ZHX2: variants seen among roughly 807,000 people sequenced by gnomAD.
The protein encoded by ZHX2 is zinc fingers and homeoboxes 2, also known as zinc fingers and homeoboxes protein 2.
ZHX2 carries 6 observed loss-of-function variants against 21.9 expected under a neutral mutation model. That is an observed-to-expected ratio of 0.27 (90% CI 0.15 to 0.54). The LOEUF (loss-of-function observed/expected upper bound fraction) is 0.54. ZHX2 is among the 20% of genes least tolerant of loss of function. The pLI is 0.95. For missense variants in ZHX2, 908 were observed against 1,090.7 expected, an observed-to-expected ratio of 0.83 and a Z score of 2.36; for synonymous variants, 434 against 437.1, an observed-to-expected ratio of 0.99 and a Z score of 0.09.
chr8:122,813,327 T>C (rs1817968936), intron 1 of ZHX2, among the ~76,000 whole-genome samples: 1 of 152,212 alleles, frequency 6.6e-6, no homozygotes, highest in Non-Finnish European at 1.5e-5. Flanking sequence ...CAAGAGCATG[T>C]GTCCATTTCC....
At chr8:122,969,594 G>A (rs73713557) in intron 3 of ZHX2, among the ~76,000 whole-genome samples, 6 of 152,090 alleles carry the variant, frequency 3.9e-5, no homozygotes, top group African/African-American at 1.4e-4. Context: ...AAGAAAAGAC[G>A]TTGCCTACAG....
chr8:122,870,862 C>T (rs1404614038), intron 2 of ZHX2, among the ~76,000 whole-genome samples: 1 of 152,052 alleles, frequency 6.6e-6, no homozygotes, highest in African/African-American at 2.4e-5. Flanking sequence ...GAATGGACTG[C>T]ATGTGAAGAT....
rs200270370 is a variant in ZHX2, at chr8:122,953,381, G to T, written c.1871G>T (p.Ser624Ile). 25 of 1,614,004 alleles carry T rather than the reference G, an allele frequency of 1.5e-5. No homozygotes were observed. The highest frequency in any genetic ancestry group is 2.0e-5 in the Non-Finnish European group (24 of 1,180,052). ...LDQLSGAQLT[S>I]SLPSPSPAIA... ...CAGCTCTCCGGTGCCCAGTTAACAA[G>T]TTCTCTGCCCAGCCCTTCGCCAGCA... The change falls in exon 3 of 4, where the codon AGT becomes ATT. Residue 624 changes from serine (S) to isoleucine (I), a missense_variant. Coordinates refer to ENST00000314393, the MANE Select transcript of ZHX2 (RefSeq NM_014943.5). The surrounding 1 kb of genome is among the most constrained non-coding windows in gnomAD (Gnocchi z 4.6).
At chr8:122,906,577 G>A (rs1820350734) in intron 2 of ZHX2, among the ~76,000 whole-genome samples, 1 of 151,160 alleles carries the variant, frequency 6.6e-6, no homozygotes, top group South Asian at 2.1e-4. Context: ...ACATTAAACT[G>A]TTAAAAGCAG....
chr8:122,905,341 A>G (rs540839860), intron 2 of ZHX2, among the ~76,000 whole-genome samples: 1 of 152,352 alleles, frequency 6.6e-6, no homozygotes, highest in South Asian at 2.1e-4. Flanking sequence ...CCAGATTTCT[A>G]ATCAGAAACC....
intron 3 of ZHX2, among the ~76,000 whole-genome samples, chr8:122,954,669 C>T (rs933490573): frequency 2.0e-5 from 3 of 152,126 alleles, no homozygotes; most frequent in African/African-American, 7.2e-5. Flanking sequence ...ATGGAACCTA[C>T]GTCCTCATTT....
chr8:122,953,712 C>T lies in ZHX2; in HGVS notation c.2202C>T (p.Pro734=). The change falls in exon 3 of 4, where the codon CCC becomes CCT. Residue 734 remains proline, a synonymous_variant. Transcript: ENST00000314393. The surrounding 1 kb of genome is among the most constrained non-coding windows in gnomAD (Gnocchi z 4.6). ...GDVVPQYYKD[P]KKLCEEDLEK... is the part of the protein sequence containing the mutation. ...TGGTTCCACAATATTACAAGGACCC[C>T]AAAAAGCTCTGCGAAGAGGACTTGG... The T allele has an allele frequency of 6.2e-7, 1 of 1,614,172 alleles. No individual in the cohort carries two copies. Among genetic ancestry groups the T allele is most frequent in the Non-Finnish European group, 8.5e-7 (1 of 1,180,046 alleles).
chr8:122,860,762 G>C (rs1331535832), intron 1 of ZHX2, among the ~76,000 whole-genome samples: 1 of 152,076 alleles, frequency 6.6e-6, no homozygotes, highest in Non-Finnish European at 1.5e-5. Context: ...AGGGTCGGGC[G>C]TGGTGGCTCA....
At chr8:122,910,317 T>C (rs978722733) in intron 2 of ZHX2, among the ~76,000 whole-genome samples, 1 of 151,996 alleles carries the variant, frequency 6.6e-6, no homozygotes, top group Non-Finnish European at 1.5e-5. Context: ...GACTTGAGAG[T>C]TCAGTGACAT....
intron 2 of ZHX2, among the ~76,000 whole-genome samples, chr8:122,888,392 T>C (rs1819893384): frequency 6.6e-6 from 1 of 152,224 alleles, no homozygotes; most frequent in African/African-American, 2.4e-5. Flanking sequence ...ACTTCAAACA[T>C]GTACATTTCT....
intron 1 of ZHX2, among the ~76,000 whole-genome samples, chr8:122,787,417 G>A (rs1293416711): frequency 6.6e-6 from 1 of 152,180 alleles, no homozygotes; most frequent in Non-Finnish European, 1.5e-5. Context: ...TTGTGCTATT[G>A]ATCCATGAGG....
At chr8:122,913,335 G>A (rs1351716943) in intron 2 of ZHX2, among the ~76,000 whole-genome samples, 1 of 152,142 alleles carries the variant, frequency 6.6e-6, no homozygotes, top group African/African-American at 2.4e-5. Flanking sequence ...GAACACTTAT[G>A]TACAGGTTTT....
intron 2 of ZHX2, among the ~76,000 whole-genome samples, chr8:122,913,514 C>G (rs1820529013): frequency 6.6e-6 from 1 of 152,342 alleles, no homozygotes. Context: ...ATGCCATGGC[C>G]TTAGTCGAGC....
At chr8:122,927,164 A>G (rs892671558) in intron 2 of ZHX2, among the ~76,000 whole-genome samples, 1 of 152,156 alleles carries the variant, frequency 6.6e-6, no homozygotes, top group African/African-American at 2.4e-5. Context: ...GAATCAATAA[A>G]TAGTGTTGTA....
chr8:122,810,279 G>C (rs949095049), intron 1 of ZHX2, among the ~76,000 whole-genome samples: 3 of 152,142 alleles, frequency 2.0e-5, no homozygotes, highest in Non-Finnish European at 4.4e-5. Flanking sequence ...GTAAAATGGG[G>C]GGTAGTAACA....
chr8:122,969,840 C>G lies in ZHX2; in HGVS notation c.*5-3402C>G, dbSNP rs1390762637. Among the ~76,000 whole-genome samples, 5 of 152,248 alleles carry G rather than the reference C, an allele frequency of 3.3e-5. 1 individual carries two copies. The East Asian group carries it at 5.8e-4, about 18-fold the overall frequency. On this transcript the variant is annotated intron_variant, in intron 3 of 3. Coordinates refer to ENST00000314393, the MANE Select transcript of ZHX2 (RefSeq NM_014943.5). ...TCCCTAGGGCCCTAGAGAAAGTTCT[C>G]CTGGGAAAATTAAAGAGAGACAGAA...
intron 2 of ZHX2, among the ~76,000 whole-genome samples, chr8:122,875,657 A>G (rs1819555355): frequency 6.6e-6 from 1 of 152,258 alleles, no homozygotes; most frequent in Non-Finnish European, 1.5e-5. Flanking sequence ...AATCTCCTCA[A>G]CAATCCTCTG....
intron 2 of ZHX2, among the ~76,000 whole-genome samples, chr8:122,906,289 C>T (rs1820345394): frequency 1.3e-5 from 2 of 152,200 alleles, no homozygotes; most frequent in African/African-American, 4.8e-5. Flanking sequence ...TGAGAGTTTA[C>T]ATCTCAAGGA....
intron 2 of ZHX2, among the ~76,000 whole-genome samples, chr8:122,891,818 G>T (rs748697792): frequency 4.6e-5 from 7 of 152,246 alleles, no homozygotes; most frequent in African/African-American, 1.7e-4. Flanking sequence ...TAAACTTATC[G>T]AGAGTTGTTT....
Sources: gnomAD v4.1 joint callset for allele counts (sites outside exome capture counted in the v4.1 genomes callset) on GRCh38, gnomAD v4.1.1 for gene constraint, Gnocchi (gnomAD v3.1) non-coding constraint, MANE v1.5 for transcripts, NCBI Gene and HGNC (gene_info 2026-07-23, HGNC 2026-07-21) for gene names.